Variants in PRKD1 observed in about 807,000 individuals in gnomAD.
PRKD1 encodes the protein protein kinase D1.
A neutral mutation model predicts 95.9 loss-of-function variants in PRKD1; 63 were observed. The observed-to-expected ratio is 0.66, with a 90% confidence interval of 0.54 to 0.81. The LOEUF is 0.81. Ranked by LOEUF, PRKD1 falls within the 30% of genes least tolerant of loss-of-function variation. The probability of loss-of-function intolerance (pLI) is 0.00; values close to 1 mark genes in which losing one functional copy is unlikely to be tolerated. For synonymous variants in PRKD1, 425 were observed against 423.1 expected, an observed-to-expected ratio of 1.00 and a Z score of -0.05; for missense variants, 1,048 against 1,165.3, an observed-to-expected ratio of 0.90 and a Z score of 1.47.
At chr14:29,668,626 G>T (rs1191311239) in intron 2 of PRKD1, among the ~76,000 whole-genome samples, 1 of 152,044 alleles carries the variant, frequency 6.6e-6, no homozygotes, top group East Asian at 1.9e-4. Flanking sequence ...TGCACAAATG[G>T]AGTAAACTGT....
chr14:29,872,043 T>G (rs1893126126), intron 1 of PRKD1, among the ~76,000 whole-genome samples: 1 of 152,214 alleles, frequency 6.6e-6, no homozygotes, highest in African/African-American at 2.4e-5. Context: ...GCAGCTGGGT[T>G]CAGTGAAAAA....
At chr14:29,736,181 C>T (rs767451582) in intron 1 of PRKD1, among the ~76,000 whole-genome samples, 26 of 152,148 alleles carry the variant, frequency 1.7e-4, no homozygotes, top group Admixed American at 1.4e-3. Flanking sequence ...ACAGTTGTCA[C>T]GGTAGCAGAA....
intron 2 of PRKD1, among the ~76,000 whole-genome samples, chr14:29,679,530 T>G (rs1281323281): frequency 2.0e-5 from 3 of 152,152 alleles, no homozygotes; most frequent in Non-Finnish European, 4.4e-5. Context: ...AGATTCATAG[T>G]CAACCTTCTA....
intron 1 of PRKD1, among the ~76,000 whole-genome samples, chr14:29,763,569 T>C (rs1402306880): frequency 6.6e-6 from 1 of 151,992 alleles, no homozygotes; most frequent in African/African-American, 2.4e-5. Context: ...TAATGTTATG[T>C]TCCTGGTGGT....
At chr14:29,679,649 T>C (rs1883420068) in intron 2 of PRKD1, among the ~76,000 whole-genome samples, 1 of 150,770 alleles carries the variant, frequency 6.6e-6, no homozygotes, top group African/African-American at 2.4e-5. Context: ...ACTGTCAACA[T>C]CAGGAAGAGA....
chr14:29,772,419 G>T (rs1009587082), intron 1 of PRKD1, among the ~76,000 whole-genome samples: 5 of 152,070 alleles, frequency 3.3e-5, no homozygotes, highest in Non-Finnish European at 7.4e-5. Flanking sequence ...CGAATCTGCT[G>T]GTGCTTTCAT....
intron 1 of PRKD1, among the ~76,000 whole-genome samples, chr14:29,745,454 G>A (rs1887170742): frequency 6.6e-6 from 1 of 152,024 alleles, no homozygotes; most frequent in Non-Finnish European, 1.5e-5. Context: ...AAAGTATTAA[G>A]GGAATTAGTT....
At chr14:29,609,505 T>C (rs373328288) in intron 13 of PRKD1, among the ~76,000 whole-genome samples, 10 of 34,044 alleles carry the variant, frequency 2.9e-4, no homozygotes, top group East Asian at 1.1e-3. Context: ...TGTGTGTGCG[T>C]GCACACACAC....
chr14:29,891,523 G>T (rs772020763), intron 1 of PRKD1, among the ~76,000 whole-genome samples: 9 of 151,924 alleles, frequency 5.9e-5, no homozygotes, highest in Non-Finnish European at 1.2e-4. Context: ...CTTTTCCTTC[G>T]AGTCTATTTC....
At chr14:29,658,619 A>G (rs1003549429) in intron 4 of PRKD1, among the ~76,000 whole-genome samples, 4 of 152,212 alleles carry the variant, frequency 2.6e-5, no homozygotes, top group Admixed American at 1.3e-4. Context: ...CAAGGAAAAG[A>G]GAGCGACCTG....
At chr14:29,872,055 A>T (rs1435565998) in intron 1 of PRKD1, among the ~76,000 whole-genome samples, 1 of 152,216 alleles carries the variant, frequency 6.6e-6, no homozygotes, top group Non-Finnish European at 1.5e-5. Context: ...AGTGAAAAAC[A>T]GTTTCCAGGA....
chr14:29,849,574 C>CAA (rs1314904688), intron 1 of PRKD1, among the ~76,000 whole-genome samples: 21 of 139,806 alleles, frequency 1.5e-4, no homozygotes, highest in African/African-American at 5.3e-4. Context: ...ACAACAACAA[C>CAA]AACAAAAAAA....
At chr14:29,612,435 A>G (rs1594361461) in intron 13 of PRKD1, among the ~76,000 whole-genome samples, 1 of 152,170 alleles carries the variant, frequency 6.6e-6, no homozygotes, top group East Asian at 1.9e-4. Flanking sequence ...GGAAATAATG[A>G]TTTTTAAAAT....
chr14:29,807,676 A>G (rs1283338737), intron 1 of PRKD1, among the ~76,000 whole-genome samples: 1 of 151,136 alleles, frequency 6.6e-6, no homozygotes, highest in African/African-American at 2.4e-5. Context: ...GGGATTACAG[A>G]CATAAGCCAC....
intron 2 of PRKD1, among the ~76,000 whole-genome samples, chr14:29,688,432 G>T (rs1884009888): frequency 6.6e-6 from 1 of 152,190 alleles, no homozygotes; most frequent in Admixed American, 6.5e-5. Context: ...GTAGGTGGGG[G>T]CGGGAGTTTC....
intron 1 of PRKD1, among the ~76,000 whole-genome samples, chr14:29,860,314 T>C (rs1264244745): frequency 6.6e-6 from 1 of 152,220 alleles, no homozygotes; most frequent in Non-Finnish European, 1.5e-5. Context: ...TGGCTACACT[T>C]TTCTGAAAGA....
intron 17 of PRKD1, 113 bp downstream of exon 17, chr14:29,578,158 AAATT>A: frequency 6.3e-6 from 5 of 798,906 alleles, no homozygotes; most frequent in South Asian, 3.4e-5. Context: ...TTGAGCAAAT[AAATT>A]GATATTAGAA....
chr14:29,842,411 A>G (rs1192607763), intron 1 of PRKD1, among the ~76,000 whole-genome samples: 4 of 152,232 alleles, frequency 2.6e-5, no homozygotes, highest in African/African-American at 7.2e-5. Context: ...GTGCTATATC[A>G]TTAAGATAGT....
chr14:29,914,981 C>G (rs150463556), intron 1 of PRKD1, among the ~76,000 whole-genome samples: 2 of 152,016 alleles, frequency 1.3e-5, no homozygotes, highest in Non-Finnish European at 2.9e-5. Context: ...ACCTCAGTCT[C>G]CCAAAGTGCT....
Sources: allele counts gnomAD v4.1 joint callset (sites outside exome capture counted in the v4.1 genomes callset), GRCh38; gene constraint gnomAD v4.1.1; transcripts MANE v1.5; gene names NCBI Gene and HGNC (gene_info 2026-07-23, HGNC 2026-07-21).